Variants in PPM1H observed in about 807,000 individuals in gnomAD.
The protein encoded by PPM1H is protein phosphatase 1H.
A neutral mutation model predicts 54.9 loss-of-function variants in PPM1H; 27 were observed. That is an observed-to-expected ratio of 0.49 (90% CI 0.36 to 0.68). The LOEUF is 0.68. PPM1H is among the 30% of genes least tolerant of loss of function. The pLI is 0.00. For synonymous variants in PPM1H, 305 were observed against 270.8 expected (o/e 1.13, Z -1.24); for missense variants, 596 against 667.8 (o/e 0.89, Z 1.19).
At chr12:62,703,825 T>C (rs561616895) in intron 6 of PPM1H, among the ~76,000 whole-genome samples, 4 of 152,248 alleles carry the variant, frequency 2.6e-5, no homozygotes, top group African/African-American at 9.6e-5. Context: ...GTGCTTCCTT[T>C]TTTTCTGCCA....
chr12:62,802,172 G>A lies in PPM1H; in HGVS notation c.412-12C>T. The A allele has an allele frequency of 6.5e-7, 1 of 1,544,076 alleles. No homozygotes were observed. The highest frequency in any genetic ancestry group is 8.8e-7 in the Non-Finnish European group (1 of 1,142,188). On this transcript the variant is annotated splice_polypyrimidine_tract_variant and intron_variant, in intron 2 of 9. Transcript: ENST00000228705. ...ACACCCTCGGATTCCTGTGGGAGAG[G>A]ACGACAGGGAGGAGTGAGAACGGCT...
chr12:62,894,027 G>A (rs138421026), intron 1 of PPM1H, among the ~76,000 whole-genome samples: 9 of 152,166 alleles, frequency 5.9e-5, no homozygotes, highest in Non-Finnish European at 1.0e-4. Context: ...CTAGACGTGC[G>A]AATAAAGCCC....
chr12:62,859,321 A>G (rs1869511841), intron 1 of PPM1H, among the ~76,000 whole-genome samples: 1 of 152,216 alleles, frequency 6.6e-6, no homozygotes, highest in African/African-American at 2.4e-5. Flanking sequence ...TTTCACATCT[A>G]GCTCTGGAAT....
intron 7 of PPM1H, among the ~76,000 whole-genome samples, chr12:62,691,028 G>A (rs1215771827): frequency 6.6e-6 from 1 of 152,100 alleles, no homozygotes; most frequent in African/African-American, 2.4e-5. Context: ...GGAGATAAGA[G>A]GGAGATGTGT....
intron 1 of PPM1H, among the ~76,000 whole-genome samples, chr12:62,849,953 A>C (rs1051949758): frequency 6.6e-6 from 1 of 152,076 alleles, no homozygotes; most frequent in African/African-American, 2.4e-5. Context: ...TAATTAAATA[A>C]CAATTTTTTA....
Position 62,755,734 on chromosome 12 carries a change from G to A in PPM1H, c.870-18148C>T, listed in dbSNP as rs116286628. The A allele has an allele frequency of 3.1e-3, 2,337 of 744,640 alleles. 30 individuals are homozygous for A. The African/African-American group carries it at 0.035, about 11-fold the overall frequency. 46.1% of individuals were successfully genotyped at this position (744,640 alleles called of 1,614,324 possible). A position where few individuals can be genotyped will look rare whatever the true frequency, so the allele number is the denominator to read the frequency against. On this transcript the variant is annotated intron_variant, in intron 4 of 9. Coordinates refer to ENST00000228705, the MANE Select transcript of PPM1H (RefSeq NM_020700.2). ...GGTTATCCATGACAACTCCGGTATCGTGGAAGGACTCATGAATGACCACAG... is the reference window on the plus strand; with the variant it reads ...GGTTATCCATGACAACTCCGGTATCATGGAAGGACTCATGAATGACCACAG...
intron 1 of PPM1H, among the ~76,000 whole-genome samples, chr12:62,920,576 C>T (rs370399724): frequency 1.3e-5 from 2 of 149,176 alleles, no homozygotes; most frequent in East Asian, 4.0e-4. Flanking sequence ...CCTGCATTGG[C>T]CTCCCAAAGT....
chr12:62,688,079 A>T (rs545395224), intron 8 of PPM1H, among the ~76,000 whole-genome samples: 98 of 152,112 alleles, frequency 6.4e-4, no homozygotes, highest in African/African-American at 2.3e-3. Flanking sequence ...TTCCTGACTT[A>T]TGCCTTCCTG....
At chr12:62,861,210 G>A (rs756367281) in intron 1 of PPM1H, among the ~76,000 whole-genome samples, 10 of 152,132 alleles carry the variant, frequency 6.6e-5, no homozygotes, top group Non-Finnish European at 1.0e-4. Context: ...CCTCTGAATC[G>A]GAGCTACCAT....
intron 6 of PPM1H, among the ~76,000 whole-genome samples, chr12:62,713,583 G>T (rs542462048): frequency 6.6e-6 from 1 of 152,268 alleles, no homozygotes; most frequent in South Asian, 2.1e-4. Flanking sequence ...CCACCCCTCT[G>T]CTGACTCAGA....
intron 1 of PPM1H, among the ~76,000 whole-genome samples, chr12:62,852,240 A>C (rs896751254): frequency 1.1e-4 from 16 of 150,796 alleles, no homozygotes; most frequent in Admixed American, 6.6e-4. Flanking sequence ...AAAAAAAAAA[A>C]AAAAAAAAAA....
chr12:62,761,680 T>A (rs1412540370), intron 4 of PPM1H, among the ~76,000 whole-genome samples: 3 of 152,144 alleles, frequency 2.0e-5, no homozygotes, highest in Non-Finnish European at 2.9e-5. Flanking sequence ...GTACTGAGAA[T>A]CTCTATAAAA....
chr12:62,709,198 C>T (rs537143401), intron 6 of PPM1H, among the ~76,000 whole-genome samples: 6 of 152,252 alleles, frequency 3.9e-5, no homozygotes, highest in East Asian at 1.9e-4. Flanking sequence ...TAACTGCACA[C>T]GAAGGGCTAA....
At chr12:62,743,304 A>C (rs900150503) in intron 4 of PPM1H, among the ~76,000 whole-genome samples, 7 of 152,074 alleles carry the variant, frequency 4.6e-5, no homozygotes, top group Non-Finnish European at 7.4e-5. Flanking sequence ...AGTGAGCCGA[A>C]ACTGCACCAC....
intron 8 of PPM1H, among the ~76,000 whole-genome samples, chr12:62,678,794 C>T (rs113583927): frequency 2.0e-4 from 30 of 151,934 alleles, no homozygotes; most frequent in African/African-American, 7.0e-4. Flanking sequence ...GGGTTCAAGA[C>T]ATTCTCGTGC....
intron 2 of PPM1H, among the ~76,000 whole-genome samples, chr12:62,820,736 G>A (rs2076897983): frequency 6.6e-6 from 1 of 152,124 alleles, no homozygotes; most frequent in East Asian, 1.9e-4. Context: ...TCAACAAAAA[G>A]GACATCCACA....
chr12:62,810,259 G>C (rs1203924012), intron 2 of PPM1H, among the ~76,000 whole-genome samples: 3 of 152,120 alleles, frequency 2.0e-5, no homozygotes, highest in Non-Finnish European at 4.4e-5. Context: ...CTCCAGGATT[G>C]GGGATGACTT....
At position 62,898,421 on chromosome 12, in the gene PPM1H, C is replaced by T. The variant is rs114550958; in HGVS notation, c.245+36071G>A. ...CAGTGTGGGGCGACAAAGGAAAAAA[C>T]GCACTGAAAAGAGAACAGACACCAC... On this transcript the variant is annotated intron_variant, in intron 1 of 9. Transcript: ENST00000228705. 5.0e-3 allele frequency among the ~76,000 whole-genome samples: 757 copies of T among 152,270 alleles called. 5 individuals are homozygous for T. The highest frequency in any genetic ancestry group is 0.017 in the African/African-American group (691 of 41,558).
intron 4 of PPM1H, among the ~76,000 whole-genome samples, chr12:62,746,576 C>G (rs1201627246): frequency 1.3e-5 from 2 of 152,220 alleles, no homozygotes; most frequent in Non-Finnish European, 2.9e-5. Flanking sequence ...TCATACATCA[C>G]TACTAGGAGT....
Sources: gnomAD v4.1 joint callset for allele counts (sites outside exome capture counted in the v4.1 genomes callset) on GRCh38, gnomAD v4.1.1 for gene constraint, MANE v1.5 for transcripts, NCBI Gene and HGNC (gene_info 2026-07-23, HGNC 2026-07-21) for gene names.